The following SLC16A7 variants were observed in gnomAD, a reference collection of about 807,000 sequenced individuals.
SLC16A7 encodes monocarboxylate transporter 2.
SLC16A7 carries 33 observed loss-of-function variants against 34.9 expected under a neutral mutation model. The ratio of observed to expected loss-of-function variants is 0.94; its 90% CI spans 0.72 to 1.26. The LOEUF is 1.26. Ranked by LOEUF, SLC16A7 falls within the 50% of genes most tolerant of loss-of-function variation. SLC16A7 has a pLI of 0.00. For synonymous variants in SLC16A7, 201 were observed against 206.6 expected, an observed-to-expected ratio of 0.97 and a Z score of 0.23; for missense variants, 573 against 578.1, an observed-to-expected ratio of 0.99 and a Z score of 0.09.
At chr12:59,611,358 C>A (rs536403919) in intron 1 of SLC16A7, among the ~76,000 whole-genome samples, 44 of 152,222 alleles carry the variant, frequency 2.9e-4, no homozygotes, top group African/African-American at 1.0e-3. Context: ...AATCATCAGA[C>A]CTTGTGAGAA....
At chr12:59,766,251 A>T (rs995790245) in intron 3 of SLC16A7, among the ~76,000 whole-genome samples, 25 of 152,196 alleles carry the variant, frequency 1.6e-4, no homozygotes, top group Non-Finnish European at 3.5e-4. Context: ...GGGGTTTTCT[A>T]GATATACAAT....
rs116117414 is a variant in SLC16A7, at chr12:59,757,796, T to A, written c.218-13423T>A. Among the ~76,000 whole-genome samples, 294 of 152,232 alleles carry A rather than the reference T, an allele frequency of 1.9e-3. 3 individuals carry two copies. Among genetic ancestry groups the A allele is most frequent in the African/African-American group, 6.9e-3 (288 of 41,550 alleles). ...ATAATGAGGATTAAGACCTTTTTGA[T>A]AGCCCACTTCCACTCCATTAATAGT... On this transcript the variant is annotated intron_variant, in intron 3 of 5. Coordinates refer to ENST00000547379, the MANE Select transcript of SLC16A7 (RefSeq NM_001270623.2).
At chr12:59,660,612 G>C (rs1338008474) in intron 2 of SLC16A7, among the ~76,000 whole-genome samples, 1 of 152,038 alleles carries the variant, frequency 6.6e-6, no homozygotes, top group East Asian at 1.9e-4. Context: ...TACTGAGGAG[G>C]CTGAAGCAGG....
intron 3 of SLC16A7, among the ~76,000 whole-genome samples, chr12:59,731,125 T>C (rs1876903107): frequency 6.6e-6 from 1 of 152,220 alleles, no homozygotes; most frequent in Admixed American, 6.5e-5. Flanking sequence ...GCTAATAAAA[T>C]TAAATGTAAA....
At chr12:59,756,412 G>A (rs928342311) in intron 3 of SLC16A7, among the ~76,000 whole-genome samples, 4 of 151,452 alleles carry the variant, frequency 2.6e-5, no homozygotes, top group African/African-American at 7.3e-5. Flanking sequence ...ATATACAAGA[G>A]AAAAACAAAC....
At chr12:59,658,777 T>G (rs1354545126) in intron 2 of SLC16A7, among the ~76,000 whole-genome samples, 1 of 152,046 alleles carries the variant, frequency 6.6e-6, no homozygotes, top group African/African-American at 2.4e-5. Context: ...TCTTTCATGT[T>G]GATAACTCCA....
chr12:59,749,074 C>A (rs1299016239), intron 3 of SLC16A7, among the ~76,000 whole-genome samples: 1 of 151,998 alleles, frequency 6.6e-6, no homozygotes, highest in African/African-American at 2.4e-5. Flanking sequence ...GTTTTTAATG[C>A]AGACAAAAGT....
intron 3 of SLC16A7, chr12:59,733,872 T>G: frequency 4.4e-6 from 2 of 454,270 alleles, no homozygotes; most frequent in South Asian, 3.1e-5. Context: ...CCTGACTAGC[T>G]GAGGAGACCC....
At chr12:59,666,970 G>A (rs1419173623) in intron 2 of SLC16A7, among the ~76,000 whole-genome samples, 1 of 152,150 alleles carries the variant, frequency 6.6e-6, no homozygotes, top group Non-Finnish European at 1.5e-5. Flanking sequence ...AAGAAAAAGA[G>A]GTTTAATTGG....
At chr12:59,757,121 G>C (rs1459342121) in intron 3 of SLC16A7, among the ~76,000 whole-genome samples, 17 of 109,624 alleles carry the variant, frequency 1.6e-4, no homozygotes, top group African/African-American at 5.9e-4. Context: ...TGGGGGGAGG[G>C]GGGAGGGATA....
intron 2 of SLC16A7, among the ~76,000 whole-genome samples, chr12:59,672,696 G>A (rs17122818): frequency 0.071 from 10,837 of 152,176 alleles, 431 homozygotes; most frequent in Middle Eastern, 0.17. Flanking sequence ...ACATTCACAT[G>A]TAAATTTACA....
chr12:59,758,011 T>A (rs1270781340), intron 3 of SLC16A7, among the ~76,000 whole-genome samples: 1 of 152,228 alleles, frequency 6.6e-6, no homozygotes, highest in South Asian at 2.1e-4. Flanking sequence ...TTATTTTTTG[T>A]TAATTGACAA....
intron 3 of SLC16A7, among the ~76,000 whole-genome samples, chr12:59,736,487 T>G (rs1273336276): frequency 6.6e-6 from 1 of 152,164 alleles, no homozygotes; most frequent in Non-Finnish European, 1.5e-5. Context: ...AATTTTCACT[T>G]TGGTCAGGCA....
At chr12:59,769,605 C>CTTTCA (rs1275066038) in intron 3 of SLC16A7, among the ~76,000 whole-genome samples, 1 of 151,820 alleles carries the variant, frequency 6.6e-6, no homozygotes, top group East Asian at 1.9e-4. Flanking sequence ...GTGTTATTAC[C>CTTTCA]AATATTCTTT....
intron 3 of SLC16A7, among the ~76,000 whole-genome samples, chr12:59,747,108 A>G (rs1878977175): frequency 6.6e-6 from 1 of 152,232 alleles, no homozygotes; most frequent in Non-Finnish European, 1.5e-5. Flanking sequence ...CTGGAATTAC[A>G]AGTGTGAGCC....
At chr12:59,622,435 G>C (rs946733314) in intron 1 of SLC16A7, among the ~76,000 whole-genome samples, 2 of 151,658 alleles carry the variant, frequency 1.3e-5, no homozygotes, top group African/African-American at 2.4e-5. Flanking sequence ...ATTTTTCTGT[G>C]ATTGTTTTAT....
intron 1 of SLC16A7, among the ~76,000 whole-genome samples, chr12:59,614,824 T>TAAAAAAAA (rs71448588): frequency 8.4e-5 from 3 of 35,744 alleles, no homozygotes; most frequent in African/African-American, 3.7e-4. Context: ...CCATTCCTAC[T>TAAAAAAAA]AAAAAAAAAA....
intron 1 of SLC16A7, among the ~76,000 whole-genome samples, chr12:59,653,169 C>T (rs1429305667): frequency 6.6e-6 from 1 of 151,604 alleles, no homozygotes; most frequent in African/African-American, 2.4e-5. Flanking sequence ...ATACTGTAAA[C>T]TAAAATTAAC....
intron 3 of SLC16A7, among the ~76,000 whole-genome samples, chr12:59,754,271 G>T (rs1288958474): frequency 6.6e-6 from 1 of 152,034 alleles, no homozygotes; most frequent in East Asian, 1.9e-4. Context: ...CAGAACTGAA[G>T]GAAATAGAGA....
Sources: allele counts gnomAD v4.1 joint callset (sites outside exome capture counted in the v4.1 genomes callset), GRCh38; gene constraint gnomAD v4.1.1; transcripts MANE v1.5; gene names NCBI Gene and HGNC (gene_info 2026-07-23, HGNC 2026-07-21).